Variants in DACH2 observed in about 807,000 individuals in gnomAD.
DACH2 encodes the protein dachshund homolog 2.
In DACH2, 17 loss-of-function variants were observed where a neutral mutation model predicts 35.8. The ratio of observed to expected loss-of-function variants is 0.48; its 90% CI spans 0.33 to 0.71. The LOEUF (loss-of-function observed/expected upper bound fraction) is 0.71. DACH2 is among the 30% of genes least tolerant of loss of function. DACH2 has a pLI of 0.02. For missense variants in DACH2, 469 were observed against 472.7 expected (o/e 0.99, Z 0.07); for synonymous variants, 195 against 177.3 (o/e 1.10, Z -0.79).
intron 1 of DACH2, among the ~76,000 whole-genome samples, chrX:86,303,898 A>C (rs2034624407): frequency 9.0e-6 from 1 of 111,442 alleles, no homozygotes; most frequent in Non-Finnish European, 1.9e-5. Context: ...GAAAATTCGT[A>C]TGGAACCACA....
rs188853089 is a variant in DACH2, at chrX:86,554,374, G to T, written c.640+39983G>T. Among the ~76,000 whole-genome samples, 416 of 111,336 alleles carry T rather than the reference G, an allele frequency of 3.7e-3. 2 individuals are homozygous for T. The highest frequency in any genetic ancestry group is 4.4e-3 in the Non-Finnish European group (235 of 53,000). On this transcript the variant is annotated intron_variant, in intron 3 of 11. Coordinates refer to ENST00000373125, the MANE Select transcript of DACH2 (RefSeq NM_053281.3). ...GTGTTTTAGTCTCAAGATTTTAAAT[G>T]GTCACTCGTTTTATTATTAAGTTGT...
At chrX:86,546,404 C>CTTCTTCTTCTTCTTCTT (rs774988785) in intron 3 of DACH2, among the ~76,000 whole-genome samples, 5 of 21,685 alleles carry the variant, frequency 2.3e-4, no homozygotes, top group Non-Finnish European at 5.2e-4. Context: ...TCTTCTTCTT[C>CTTCTTCTTCTTCTTCTT]CTTCTTCTTC....
intron 1 of DACH2, among the ~76,000 whole-genome samples, chrX:86,355,487 G>T (rs1465222855): frequency 9.0e-6 from 1 of 111,656 alleles, no homozygotes; most frequent in Non-Finnish European, 1.9e-5. Flanking sequence ...TAGTGTATAA[G>T]CATTCCCTTT....
At chrX:86,724,619 A>G (rs1297923505) in intron 6 of DACH2, among the ~76,000 whole-genome samples, 4 of 111,653 alleles carry the variant, frequency 3.6e-5, no homozygotes, top group African/African-American at 1.3e-4. Flanking sequence ...TGATTTTAAA[A>G]TTATTTATTT....
chrX:86,763,069 T>C (rs2041898964), intron 7 of DACH2, among the ~76,000 whole-genome samples: 1 of 111,758 alleles, frequency 8.9e-6, no homozygotes, highest in Admixed American at 9.5e-5. Flanking sequence ...CGTTGCTTTC[T>C]GTGCCTGGCT....
chrX:86,779,815 C>A (rs2042072549), intron 7 of DACH2, among the ~76,000 whole-genome samples: 1 of 111,989 alleles, frequency 8.9e-6, no homozygotes, highest in South Asian at 3.7e-4. Context: ...TTATTTTATT[C>A]TCAGCATTTC....
intron 1 of DACH2, among the ~76,000 whole-genome samples, chrX:86,363,173 T>C (rs1415978755): frequency 9.0e-6 from 1 of 111,462 alleles, no homozygotes; most frequent in Non-Finnish European, 1.9e-5. Flanking sequence ...TAATATATGT[T>C]TAGATTATAT....
intron 1 of DACH2, among the ~76,000 whole-genome samples, chrX:86,278,544 T>A (rs2033962404): frequency 8.9e-6 from 1 of 112,655 alleles, no homozygotes; most frequent in East Asian, 2.8e-4. Context: ...CTATTTTGAT[T>A]AATAAAGATG....
intron 6 of DACH2, among the ~76,000 whole-genome samples, chrX:86,736,158 T>A (rs1239998815): frequency 9.1e-6 from 1 of 109,677 alleles, no homozygotes; most frequent in East Asian, 2.9e-4. Context: ...CACAGAGATT[T>A]AAAAAAAAAC....
intron 1 of DACH2, among the ~76,000 whole-genome samples, chrX:86,363,334 T>C (rs1033811360): frequency 1.7e-4 from 19 of 111,401 alleles, no homozygotes; most frequent in African/African-American, 6.2e-4. Flanking sequence ...GTGTTCTTGG[T>C]GTTTCAAATA....
intron 1 of DACH2, among the ~76,000 whole-genome samples, chrX:86,226,501 C>T (rs58041324): frequency 0.022 from 2,415 of 111,194 alleles, 57 homozygotes; most frequent in African/African-American, 0.073. Context: ...TGTATGATAC[C>T]GGGAAATTAT....
intron 2 of DACH2, among the ~76,000 whole-genome samples, chrX:86,425,945 T>G (rs780602934): frequency 1.8e-5 from 2 of 111,062 alleles, no homozygotes; most frequent in Admixed American, 1.9e-4. Flanking sequence ...TTATGAGACC[T>G]GCAATGAGCA....
At position 86,318,297 on chromosome X, in the gene DACH2, C is replaced by T. The variant is rs754370518; in HGVS notation, c.489-58527C>T. Among the ~76,000 whole-genome samples the T allele has an allele frequency of 1.5e-4, 17 of 111,657 alleles. No homozygotes were observed. In the East Asian group the frequency reaches 3.4e-3, roughly 23 times the overall value. On this transcript the variant is annotated intron_variant, in intron 1 of 11. Transcript: ENST00000373125. The stretch of plus-strand genomic sequence containing the variant: ...TAGTTCAGTCCATTCCATTAACTCT[C>T]ATTCTGCTTGATATTTGTAAACATT...
intron 4 of DACH2, among the ~76,000 whole-genome samples, chrX:86,684,070 A>G (rs771482676): frequency 2.7e-5 from 3 of 111,303 alleles, no homozygotes; most frequent in Non-Finnish European, 5.7e-5. Context: ...AAGTAAGATC[A>G]CTTTAACCTC....
chrX:86,305,312 A>G (rs1407780953), intron 1 of DACH2, among the ~76,000 whole-genome samples: 2 of 112,044 alleles, frequency 1.8e-5, no homozygotes, highest in Non-Finnish European at 3.8e-5. Context: ...TGTTGACAAC[A>G]TGTGAAATTT....
intron 1 of DACH2, among the ~76,000 whole-genome samples, chrX:86,175,250 A>C (rs368521842): frequency 4.4e-4 from 49 of 112,294 alleles, no homozygotes; most frequent in African/African-American, 1.5e-3. Flanking sequence ...CTAATCAAAA[A>C]CAACATATCC....
intron 1 of DACH2, among the ~76,000 whole-genome samples, chrX:86,326,331 G>A (rs2035113080): frequency 9.1e-6 from 1 of 109,942 alleles, no homozygotes; most frequent in Admixed American, 9.8e-5. Context: ...GCTGGGCATA[G>A]TGGCAGCCAC....
chrX:86,595,191 C>T (rs1299106062), intron 3 of DACH2, among the ~76,000 whole-genome samples: 3 of 111,245 alleles, frequency 2.7e-5, no homozygotes, highest in Non-Finnish European at 5.7e-5. Flanking sequence ...GATCATAGCT[C>T]ACTGCAACCT....
At chrX:86,593,257 G>T (rs199894097) in intron 3 of DACH2, among the ~76,000 whole-genome samples, 1 of 109,203 alleles carries the variant, frequency 9.2e-6, no homozygotes, top group Non-Finnish European at 1.9e-5. Flanking sequence ...CTGGTTTTTC[G>T]CATCTATTAA....
Sources: gnomAD v4.1 joint callset for allele counts (sites outside exome capture counted in the v4.1 genomes callset) on GRCh38, gnomAD v4.1.1 for gene constraint, MANE v1.5 for transcripts, NCBI Gene and HGNC (gene_info 2026-07-23, HGNC 2026-07-21) for gene names.